CRPPA: variants seen among roughly 807,000 people sequenced by gnomAD.
CRPPA encodes CDP-L-ribitol pyrophosphorylase A.
CRPPA carries 43 observed loss-of-function variants against 52.0 expected under a neutral mutation model. The ratio of observed to expected loss-of-function variants is 0.83; its 90% confidence interval spans 0.65 to 1.07. CRPPA has a LOEUF of 1.07. CRPPA is among the 50% of genes least tolerant of loss of function. CRPPA has a pLI of 0.00. For missense variants in CRPPA, 629 were observed against 551.7 expected (o/e 1.14, Z -1.40); for synonymous variants, 250 against 203.5 (o/e 1.23, Z -1.94).
At chr7:16,292,976 C>T (rs751596275) in intron 5 of CRPPA, among the ~76,000 whole-genome samples, 9 of 151,914 alleles carry the variant, frequency 5.9e-5, no homozygotes, top group South Asian at 4.1e-4. Context: ...AACAGTAATA[C>T]GTAAAGTTTC....
intron 9 of CRPPA, among the ~76,000 whole-genome samples, chr7:16,123,986 T>A (rs919501955): frequency 5.9e-5 from 9 of 152,212 alleles, no homozygotes; most frequent in Non-Finnish European, 1.3e-4. Context: ...CTATCTTGGC[T>A]ATTGTGAATA....
intron 9 of CRPPA, among the ~76,000 whole-genome samples, chr7:16,099,114 G>T (rs1781988506): frequency 6.6e-6 from 1 of 151,888 alleles, no homozygotes; most frequent in South Asian, 2.1e-4. Context: ...GAAGCCAGGT[G>T]CCATGGCTCA....
At chr7:16,336,285 C>G (rs1298492129) in intron 3 of CRPPA, among the ~76,000 whole-genome samples, 2 of 152,006 alleles carry the variant, frequency 1.3e-5, no homozygotes, top group East Asian at 3.9e-4. Context: ...AACTATTAAA[C>G]ACAACTGTAG....
At chr7:16,408,144 C>T (rs567353706) in intron 1 of CRPPA, among the ~76,000 whole-genome samples, 5 of 150,934 alleles carry the variant, frequency 3.3e-5, no homozygotes, top group East Asian at 2.0e-4. Flanking sequence ...TTATCAGCAT[C>T]GAGGATACAA....
At chr7:16,109,756 A>G (rs182279780) in intron 9 of CRPPA, among the ~76,000 whole-genome samples, 2 of 152,210 alleles carry the variant, frequency 1.3e-5, no homozygotes, top group East Asian at 1.9e-4. Flanking sequence ...AAAATTCAGC[A>G]TCCTTTCATG....
intron 3 of CRPPA, among the ~76,000 whole-genome samples, chr7:16,336,381 A>AT (rs1785681010): frequency 1.3e-5 from 2 of 152,258 alleles, no homozygotes; most frequent in South Asian, 4.1e-4. Flanking sequence ...GAACGCACAG[A>AT]TTTTTTGTAT....
intron 9 of CRPPA, chr7:16,209,267 A>G: frequency 6.2e-6 from 1 of 162,156 alleles, no homozygotes; most frequent in African/African-American, 2.6e-5. Context: ...ATACGGTTCT[A>G]AGTGTCTTTT....
chr7:16,146,474 T>A (rs1782976736), intron 9 of CRPPA, among the ~76,000 whole-genome samples: 1 of 152,016 alleles, frequency 6.6e-6, no homozygotes, highest in African/African-American at 2.4e-5. Context: ...ATAATCAAAC[T>A]CAGAATATTA....
At chr7:16,125,532 T>G (rs1008089761) in intron 9 of CRPPA, among the ~76,000 whole-genome samples, 16 of 152,112 alleles carry the variant, frequency 1.1e-4, no homozygotes, top group Admixed American at 1.0e-3. Flanking sequence ...CACCATAAAT[T>G]TGAAGATAAT....
intron 9 of CRPPA, among the ~76,000 whole-genome samples, chr7:16,123,281 G>A (rs1583372351): frequency 2.0e-5 from 3 of 152,068 alleles, no homozygotes; most frequent in Admixed American, 2.0e-4. Context: ...CATTTCCTTA[G>A]GTCTAATGTG....
At chr7:16,182,162 A>G (rs975718599) in intron 9 of CRPPA, among the ~76,000 whole-genome samples, 15 of 152,026 alleles carry the variant, frequency 9.9e-5, no homozygotes, top group Admixed American at 3.3e-4. Flanking sequence ...ACATTGTTCT[A>G]TAACTACCCA....
intron 9 of CRPPA, among the ~76,000 whole-genome samples, chr7:16,128,814 A>C (rs1583376542): frequency 1.3e-5 from 2 of 152,312 alleles, no homozygotes; most frequent in East Asian, 3.9e-4. Flanking sequence ...TGGAAACAGA[A>C]AGCAAAGTTA....
At chr7:16,286,036 A>T (rs1562608271) in intron 5 of CRPPA, among the ~76,000 whole-genome samples, 329 of 18,768 alleles carry the variant, frequency 0.018, 10 homozygotes, top group African/African-American at 0.05. Flanking sequence ...AAAAAAAAAA[A>T]AAATATAAAT....
intron 9 of CRPPA, among the ~76,000 whole-genome samples, chr7:16,122,025 C>G (rs1458515060): frequency 6.6e-6 from 1 of 151,988 alleles, no homozygotes; most frequent in African/African-American, 2.4e-5. Context: ...GGGGAAAATA[C>G]AAATAAGCAG....
At chr7:16,275,585 T>C (rs1464325463) in intron 6 of CRPPA, among the ~76,000 whole-genome samples, 2 of 152,012 alleles carry the variant, frequency 1.3e-5, no homozygotes, top group East Asian at 3.9e-4. Flanking sequence ...TTCCGCCCTT[T>C]GGGAGGCCAA....
At chr7:16,303,456 C>A (rs2128423492) in intron 4 of CRPPA, among the ~76,000 whole-genome samples, 1 of 61,014 alleles carries the variant, frequency 1.6e-5, no homozygotes, top group South Asian at 5.0e-4. Context: ...GTTCTTGTTT[C>A]TGTGTTGAGA....
chr7:16,089,353 TAC>T lies in CRPPA; in HGVS notation c.*2340_*2341del, dbSNP rs1491451338. On this transcript the variant is annotated 3_prime_UTR_variant, in exon 10 of 10. Transcript: ENST00000407010. ...ATATATGTGTGTATGCGTACGTATA[TAC>T]ATACATACATGCATGTACATATATA... 6 of 317,240 alleles carry T rather than the reference TAC, an allele frequency of 1.9e-5. No homozygotes were observed. Among genetic ancestry groups the T allele is most frequent in the African/African-American group, 1.4e-4 (5 of 35,474 alleles). The allele number at this position is 317,240 out of a possible 1,614,324, so 19.7% of individuals were successfully genotyped here. A position where few individuals can be genotyped will look rare whatever the true frequency, so the allele number is the denominator to read the frequency against.
At chr7:16,414,618 A>G (rs915780594) in intron 1 of CRPPA, among the ~76,000 whole-genome samples, 3 of 152,244 alleles carry the variant, frequency 2.0e-5, no homozygotes, top group African/African-American at 7.2e-5. Flanking sequence ...ACATTTCCTT[A>G]TAGAAACTCA....
chr7:16,210,455 C>T (rs910936369), intron 9 of CRPPA: 7 of 152,180 alleles, frequency 4.6e-5, no homozygotes, highest in African/African-American at 1.7e-4. Flanking sequence ...ACTGTGACTT[C>T]CATCTTCTGG....
Sources: allele counts gnomAD v4.1 joint callset (sites outside exome capture counted in the v4.1 genomes callset), GRCh38; gene constraint gnomAD v4.1.1; transcripts MANE v1.5; gene names NCBI Gene and HGNC (gene_info 2026-07-23, HGNC 2026-07-21).